ENPEP: variants seen among roughly 807,000 people sequenced by gnomAD.
ENPEP encodes AP-A.
Under a neutral mutation model 114.5 loss-of-function variants are expected in ENPEP, and 103 were observed. The observed-to-expected ratio is 0.90, with a 90% confidence interval of 0.77 to 1.06. The LOEUF is 1.06. ENPEP is among the 50% of genes least tolerant of loss of function. The pLI is 0.00. For synonymous variants in ENPEP, 420 were observed against 422.0 expected (o/e 1.00, Z 0.06); for missense variants, 1,196 against 1,161.3 (o/e 1.03, Z -0.43).
chr4:110,519,971 A>T, intron 8 of ENPEP, 37 bp from the exon 9 acceptor site: 2 of 1,585,602 alleles, frequency 1.3e-6, no homozygotes, highest in South Asian at 2.2e-5. Flanking sequence ...AAAAGCAAAC[A>T]TTGACTTCTA....
At chr4:110,541,072 CA>C (rs1489777298) in intron 11 of ENPEP, among the ~76,000 whole-genome samples, 2 of 152,106 alleles carry the variant, frequency 1.3e-5, no homozygotes, top group Non-Finnish European at 2.9e-5. Context: ...TACAAACATT[CA>C]AAATGTACAG....
In ENPEP at chr4:110,561,665, T is replaced by C; in HGVS notation, c.*107T>C. ...TGGAGAGAGCCTTATAAACAGATAA[T>C]GCTTTTACTAAGCACTGTGTTTATA... is the stretch of plus-strand genomic sequence containing the variant. On this transcript the variant is annotated 3_prime_UTR_variant, in exon 20 of 20. Transcript: ENST00000265162. The C allele has an allele frequency of 9.5e-7, 1 of 1,049,920 alleles. No individual in the cohort carries two copies. Among genetic ancestry groups the C allele is most frequent in the Non-Finnish European group, 1.4e-6 (1 of 732,262 alleles). The allele number at this position is 1,049,920 out of a possible 1,614,324, so 65.0% of individuals were successfully genotyped here.
Position 110,486,839 on chromosome 4 carries a change from G to A in ENPEP, c.645-1702G>A, listed in dbSNP as rs572885085. ...GAGAAAGAGTAATTCACACAGATCC[G>A]GCTGTGCAGGAGACTGGAATTTTAT... On this transcript the variant is annotated intron_variant, in intron 1 of 19. Transcript: ENST00000265162. 4.6e-5 allele frequency among the ~76,000 whole-genome samples: 7 copies of A among 152,244 alleles called. No individual in the cohort carries two copies. The South Asian group carries it at 8.3e-4, about 18-fold the overall frequency.
At chr4:110,524,727 G>A (rs980290419) in intron 10 of ENPEP, among the ~76,000 whole-genome samples, 1 of 152,088 alleles carries the variant, frequency 6.6e-6, no homozygotes, top group African/African-American at 2.4e-5. Context: ...ATTCCAGTAT[G>A]TCATTTTCTC....
At position 110,563,912 on chromosome 4, in the gene ENPEP, C is replaced by A. The variant is rs1354773645; in HGVS notation, c.*2354C>A. On this transcript the variant is annotated 3_prime_UTR_variant, in exon 20 of 20. Coordinates refer to ENST00000265162, the MANE Select transcript of ENPEP (RefSeq NM_001977.4). ...TACCTGGGTTGAAGGTAATGATACT[C>A]CTACAGCTTACCCTCCAAGTTGGTG... 1.3e-5 allele frequency: 2 copies of A among 152,154 alleles called. No homozygotes were observed. Among genetic ancestry groups the A allele is most frequent in the Admixed American group, 1.3e-4 (2 of 15,272 alleles). 9.4% of individuals were successfully genotyped at this position (152,154 alleles called of 1,614,324 possible). A position where few individuals can be genotyped will look rare whatever the true frequency, so the allele number is the denominator to read the frequency against.
At position 110,476,320 on chromosome 4, in the gene ENPEP, A is replaced by G. The variant is rs1287866605; in HGVS notation, c.-95A>G. 1 of 1,454,558 alleles carries G rather than the reference A, an allele frequency of 6.9e-7. No individual in the cohort carries two copies. The highest frequency in any genetic ancestry group is 9.2e-7 in the Non-Finnish European group (1 of 1,087,976). 90.1% of individuals were successfully genotyped at this position (1,454,558 alleles called of 1,614,324 possible). ...AAAAGCGAAAACAGGCTGCCAAATC[A>G]GGGGATTCCTTCCAATTTAAAAAGG... On this transcript the variant is annotated 5_prime_UTR_variant, in exon 1 of 20. Transcript: ENST00000265162.
intron 3 of ENPEP, 49 bp from the exon 4 acceptor site, chr4:110,506,588 G>A: frequency 6.4e-7 from 1 of 1,552,090 alleles, no homozygotes; most frequent in Non-Finnish European, 8.7e-7. Context: ...TTTGTATTTT[G>A]TTGAATGAAG....
At chr4:110,489,077 G>GT (rs538458559) in intron 2 of ENPEP, among the ~76,000 whole-genome samples, 20 of 151,744 alleles carry the variant, frequency 1.3e-4, no homozygotes, top group Admixed American at 3.9e-4. Context: ...TTTTTGTTTT[G>GT]TTTTTTTGAA....
intron 3 of ENPEP, among the ~76,000 whole-genome samples, chr4:110,503,292 C>G (rs1370951542): frequency 6.6e-6 from 1 of 152,108 alleles, no homozygotes; most frequent in Non-Finnish European, 1.5e-5. Context: ...TTTTTGAGCT[C>G]TGAGATTCTT....
rs1727744783 is a variant in ENPEP, at chr4:110,563,625, T to C, written c.*2067T>C. The C allele has an allele frequency of 6.6e-6, 1 of 152,054 alleles. No homozygotes were observed. The highest frequency in any genetic ancestry group is 2.1e-4 in the South Asian group (1 of 4,824). 9.4% of individuals were successfully genotyped at this position (152,054 alleles called of 1,614,324 possible). A position where few individuals can be genotyped will look rare whatever the true frequency, so the allele number is the denominator to read the frequency against. On this transcript the variant is annotated 3_prime_UTR_variant, in exon 20 of 20. Coordinates refer to ENST00000265162, the MANE Select transcript of ENPEP (RefSeq NM_001977.4). ...AAAATTTAATATGATGTTTCCAAAA[T>C]TAAGCCACAGTAAATTTAAATAATT...
intron 13 of ENPEP, among the ~76,000 whole-genome samples, chr4:110,545,602 G>A (rs1727024922): frequency 6.6e-6 from 1 of 151,972 alleles, no homozygotes; most frequent in African/African-American, 2.4e-5. Context: ...GAACAGGGTG[G>A]GAGAGTAGGT....
chr4:110,500,437 A>T (rs1310436067), intron 3 of ENPEP, among the ~76,000 whole-genome samples: 1 of 152,226 alleles, frequency 6.6e-6, no homozygotes, highest in African/African-American at 2.4e-5. Context: ...GGTATCCAAC[A>T]GTAGTATACC....
intron 10 of ENPEP, among the ~76,000 whole-genome samples, chr4:110,521,282 A>G (rs1364775083): frequency 6.6e-6 from 1 of 152,168 alleles, no homozygotes; most frequent in Non-Finnish European, 1.5e-5. Flanking sequence ...AGGCATGAAG[A>G]CGACTTGAGT....
rs1432920491 is a variant in ENPEP, at chr4:110,520,200, T to G, written c.1576-15T>G. ...TTTGTTAATTAATTAATCTCCATTTTGTTTTCAATCTTAGGCAAGTAGGCT... is the reference window on the plus strand; with the variant it reads ...TTTGTTAATTAATTAATCTCCATTTGGTTTTCAATCTTAGGCAAGTAGGCT... On this transcript the variant is annotated splice_polypyrimidine_tract_variant and intron_variant, in intron 9 of 19. Coordinates refer to ENST00000265162, the MANE Select transcript of ENPEP (RefSeq NM_001977.4). 6.2e-7 allele frequency: 1 copy of G among 1,611,148 alleles called. No individual in the cohort carries two copies. The highest frequency in any genetic ancestry group is 8.5e-7 in the Non-Finnish European group (1 of 1,177,926).
intron 13 of ENPEP, among the ~76,000 whole-genome samples, chr4:110,547,016 T>G (rs1323420056): frequency 1.3e-5 from 2 of 152,050 alleles, no homozygotes; most frequent in East Asian, 3.9e-4. Context: ...GACAAGACAC[T>G]ATACTTAACT....
chr4:110,509,615 A>G (rs757564016), intron 4 of ENPEP, 38 bp from the exon 5 acceptor site: 1 of 1,580,740 alleles, frequency 6.3e-7, no homozygotes, highest in East Asian at 2.2e-5. Context: ...ACAAATGGAA[A>G]GAATGTATTT....
intron 10 of ENPEP, among the ~76,000 whole-genome samples, chr4:110,527,465 G>C (rs1726240175): frequency 6.6e-6 from 1 of 152,112 alleles, no homozygotes; most frequent in Admixed American, 6.5e-5. Context: ...TATACTCCCT[G>C]AACTCTGCAG....
chr4:110,540,129 G>C (rs998169943), intron 11 of ENPEP, among the ~76,000 whole-genome samples: 2 of 152,114 alleles, frequency 1.3e-5, no homozygotes, highest in Admixed American at 1.3e-4. Context: ...CAATTTTTAA[G>C]TTGATACAGC....
chr4:110,542,822 T>G lies in ENPEP; in HGVS notation c.1879T>G (p.Tyr627Asp). 6.2e-7 allele frequency: 1 copy of G among 1,613,246 alleles called. No homozygotes were observed. Among genetic ancestry groups the G allele is most frequent in the Non-Finnish European group, 8.5e-7 (1 of 1,179,402 alleles). The change falls in exon 12 of 20, where the codon TAT (tyrosine) becomes GAT (aspartate). Residue 627 changes from tyrosine to aspartate, a missense_variant. Physicochemically the swap from Tyr to Asp is radical, Grantham distance 160. Coordinates refer to ENST00000265162, the MANE Select transcript of ENPEP (RefSeq NM_001977.4). ...AATAAACCCAGATCATATTGGGTTT[T>G]ATCGTGTAAATTATGAAGTAGCAAC... ...LKINPDHIGF[Y>D]RVNYEVATWD...
Sources: allele counts gnomAD v4.1 joint callset (sites outside exome capture counted in the v4.1 genomes callset), GRCh38; gene constraint gnomAD v4.1.1; transcripts MANE v1.5; gene names NCBI Gene and HGNC (gene_info 2026-07-23, HGNC 2026-07-21).